The following FAT3 variants were observed in gnomAD, a reference collection of about 807,000 sequenced individuals.
The protein encoded by FAT3 is FAT atypical cadherin 3, also known as protocadherin Fat 3.
In FAT3, 95 loss-of-function variants were observed where a neutral mutation model predicts 310.2. That is an observed-to-expected ratio of 0.31 (90% CI 0.26 to 0.36). FAT3 has a LOEUF of 0.36. Among genes scored for constraint, FAT3 ranks in the 10% least tolerant of loss-of-function variants. The pLI is 1.00. For missense variants in FAT3, 5,408 were observed against 5,715.6 expected (o/e 0.95, Z 1.74); for synonymous variants, 2,314 against 2,192.9 (o/e 1.06, Z -1.54).
chr11:92,241,199 T>C (rs1408120224), intron 1 of FAT3, among the ~76,000 whole-genome samples: 2 of 152,098 alleles, frequency 1.3e-5, no homozygotes, highest in Non-Finnish European at 2.9e-5. Context: ...GTTTAACTCT[T>C]TGTTAGCTTT....
At chr11:92,273,316 A>G (rs980569913) in intron 1 of FAT3, among the ~76,000 whole-genome samples, 6 of 152,086 alleles carry the variant, frequency 3.9e-5, no homozygotes, top group African/African-American at 1.4e-4. Flanking sequence ...TCCTTGTAGC[A>G]GTCCTATTAA....
In FAT3 at chr11:92,799,204, G is replaced by C. The variant is rs200494319; in HGVS notation, c.6191G>C (p.Arg2064Pro). 4 of 1,613,940 alleles carry C rather than the reference G, an allele frequency of 2.5e-6. No individual in the cohort carries two copies. Among genetic ancestry groups the C allele is most frequent in the Admixed American group, 3.3e-5 (2 of 60,012 alleles). Residue 2064 changes from arginine (R) to proline (P), a missense_variant, in exon 10 of 28, where the codon CGT (arginine) becomes CCT (proline). By Grantham distance (103) the Arg-to-Pro change is moderately radical. Transcript: ENST00000525166. The stretch of plus-strand genomic sequence containing the variant: ...GCCAGCCGTGAGCTGGACCATCTGC[G>C]TGTGGCCAGAGTGGTGGTCAGGGTT... ...VEASRELDHL[R>P]VARVVVRVNI...
chr11:92,269,904 A>C (rs1946077289), intron 1 of FAT3, among the ~76,000 whole-genome samples: 1 of 152,126 alleles, frequency 6.6e-6, no homozygotes, highest in Non-Finnish European at 1.5e-5. Flanking sequence ...GGGCCACCCC[A>C]AAATTCATTT....
At chr11:92,364,469 T>C (rs1484644494) in intron 2 of FAT3, among the ~76,000 whole-genome samples, 1 of 152,254 alleles carries the variant, frequency 6.6e-6, no homozygotes, top group Non-Finnish European at 1.5e-5. Context: ...AGAATAGTTT[T>C]CTGCTAGTGT....
intron 13 of FAT3, among the ~76,000 whole-genome samples, chr11:92,810,902 A>G (rs1307165605): frequency 6.6e-6 from 1 of 152,234 alleles, no homozygotes; most frequent in Non-Finnish European, 1.5e-5. Context: ...TGTGTCTGCT[A>G]TGCTAAACAG....
At chr11:92,398,146 CA>C (rs1188176024) in intron 2 of FAT3, among the ~76,000 whole-genome samples, 3 of 152,052 alleles carry the variant, frequency 2.0e-5, no homozygotes, top group African/African-American at 7.2e-5. Context: ...CTTATGGATG[CA>C]TTACTTCAGT....
intron 2 of FAT3, among the ~76,000 whole-genome samples, chr11:92,433,499 C>T (rs1285922784): frequency 6.6e-6 from 1 of 152,114 alleles, no homozygotes; most frequent in East Asian, 1.9e-4. Context: ...GTTCCCTGAC[C>T]CCTTCTACTT....
At chr11:92,374,482 C>G (rs142408750) in intron 2 of FAT3, among the ~76,000 whole-genome samples, 93 of 152,262 alleles carry the variant, frequency 6.1e-4, no homozygotes, top group African/African-American at 2.0e-3. Context: ...GTTTTGTTAC[C>G]TGGTATTTTA....
chr11:92,326,976 C>T (rs1210081984), intron 1 of FAT3, among the ~76,000 whole-genome samples: 2 of 152,158 alleles, frequency 1.3e-5, no homozygotes, highest in Non-Finnish European at 2.9e-5. Flanking sequence ...ACTTGAGAGG[C>T]AACTTGAAGT....
intron 8 of FAT3, among the ~76,000 whole-genome samples, chr11:92,791,757 C>T (rs1947045864): frequency 6.6e-6 from 1 of 152,166 alleles, no homozygotes; most frequent in South Asian, 2.1e-4. Flanking sequence ...AAGCCAAGTG[C>T]ACATATTTGA....
chr11:92,298,498 A>G (rs1946906302), intron 1 of FAT3, among the ~76,000 whole-genome samples: 1 of 152,132 alleles, frequency 6.6e-6, no homozygotes, highest in East Asian at 1.9e-4. Flanking sequence ...AATATTTAAA[A>G]AAAGAAGTGT....
In FAT3 at chr11:92,840,718, T is replaced by C; in HGVS notation, c.10525T>C (p.Phe3509Leu). 6.2e-7 allele frequency: 1 copy of C among 1,606,554 alleles called. No individual in the cohort carries two copies. The highest frequency in any genetic ancestry group is 1.3e-5 in the African/African-American group (1 of 74,926). Residue 3509 changes from phenylalanine to leucine, a missense_variant, in exon 18 of 28, where the codon TTC (phenylalanine) becomes CTC (leucine). Coordinates refer to ENST00000525166, the MANE Select transcript of FAT3 (RefSeq NM_001367949.2). ...TGGGATCTTGCGGTCGGCTGTGGTC[T>C]TCCAGCACACAGAGTCTCTGGAATA... Reference protein sequence around the residue: ...PHGILRSAVVFQHTESLEYVL... With the variant: ...PHGILRSAVVLQHTESLEYVL...
chr11:92,777,674 A>G (rs1429646642), intron 7 of FAT3, among the ~76,000 whole-genome samples: 1 of 152,052 alleles, frequency 6.6e-6, no homozygotes, highest in Non-Finnish European at 1.5e-5. Flanking sequence ...TTGCATCCCA[A>G]TCTCAACTCT....
rs1459489944 is a variant in FAT3, at chr11:92,306,480, ATATATATATTTATATTATATATGT to A, written c.-17-45545_-17-45522del. On this transcript the variant is annotated intron_variant, in intron 1 of 27. Transcript: ENST00000525166. ...CTCCACTTTATATATATATAAACTT[ATATATATATTTATATTATATATGT>A]TATATATATTTATATTATATATGTT... Among the ~76,000 whole-genome samples the A allele has an allele frequency of 4.2e-3, 546 of 130,042 alleles. 20 individuals are homozygous for A. Among genetic ancestry groups the A allele is most frequent in the African/African-American group, 0.013 (420 of 33,498 alleles). The allele number at this position is 130,042 out of a possible 152,430, so 85.3% of individuals were successfully genotyped here. A position where few individuals can be genotyped will look rare whatever the true frequency, so the allele number is the denominator to read the frequency against.
intron 13 of FAT3, among the ~76,000 whole-genome samples, chr11:92,814,438 A>G (rs1405344985): frequency 6.6e-6 from 1 of 152,216 alleles, no homozygotes; most frequent in Non-Finnish European, 1.5e-5. Context: ...TAAAAACAGA[A>G]GAGGACAAGA....
intron 3 of FAT3, among the ~76,000 whole-genome samples, chr11:92,634,707 T>C (rs1435647520): frequency 6.6e-6 from 1 of 152,124 alleles, no homozygotes; most frequent in African/African-American, 2.4e-5. Flanking sequence ...TGAGCATTGC[T>C]CAGGAATCAA....
intron 3 of FAT3, among the ~76,000 whole-genome samples, chr11:92,544,058 A>G (rs964928148): frequency 2.6e-5 from 4 of 152,184 alleles, no homozygotes; most frequent in Non-Finnish European, 5.9e-5. Context: ...CAATACTTCT[A>G]CGTACTAGGG....
At chr11:92,466,689 G>T (rs924957484) in intron 2 of FAT3, among the ~76,000 whole-genome samples, 19 of 148,626 alleles carry the variant, frequency 1.3e-4, no homozygotes, top group Non-Finnish European at 2.5e-4. Flanking sequence ...CCATTAACTC[G>T]TCATTTAGCA....
intron 3 of FAT3, among the ~76,000 whole-genome samples, chr11:92,689,203 C>G (rs1943723794): frequency 6.6e-6 from 1 of 152,232 alleles, no homozygotes; most frequent in East Asian, 1.9e-4. Context: ...ATGCCAGAGC[C>G]TGAGTACTGC....
Sources: gnomAD v4.1 joint callset for allele counts (sites outside exome capture counted in the v4.1 genomes callset) on GRCh38, gnomAD v4.1.1 for gene constraint, MANE v1.5 for transcripts, NCBI Gene and HGNC (gene_info 2026-07-23, HGNC 2026-07-21) for gene names.